Variants in ERO1B observed in about 807,000 individuals in gnomAD.
ERO1B encodes the protein endoplasmic reticulum oxidoreductase 1 beta.
ERO1B carries 49 observed loss-of-function variants against 75.3 expected under a neutral mutation model. The observed-to-expected ratio is 0.65, with a 90% confidence interval of 0.52 to 0.83. The LOEUF (loss-of-function observed/expected upper bound fraction) is 0.83, where lower values mean the gene tolerates loss of function less well. Among genes scored for constraint, ERO1B ranks in the 40% least tolerant of loss-of-function variants. The pLI is 0.00. For synonymous variants in ERO1B, 191 were observed against 192.9 expected (o/e 0.99, Z 0.08); for missense variants, 512 against 560.1 (o/e 0.91, Z 0.87).
chr1:236,235,463 A>G (rs1664516441), intron 8 of ERO1B, among the ~76,000 whole-genome samples: 1 of 152,234 alleles, frequency 6.6e-6, no homozygotes. Flanking sequence ...CTTAATTAAT[A>G]TAGCGTAGGG....
chr1:236,240,098 T>C (rs1296151402), intron 6 of ERO1B, among the ~76,000 whole-genome samples: 1 of 151,416 alleles, frequency 6.6e-6, no homozygotes, highest in Non-Finnish European at 1.5e-5. Context: ...AGAGGCAGGG[T>C]TTTGCCATGT....
In ERO1B at chr1:236,226,542, T is replaced by C. The variant is rs951855227; in HGVS notation, c.806-27A>G. On this transcript the variant is annotated intron_variant, in intron 11 of 15. Coordinates refer to ENST00000354619, the MANE Select transcript of ERO1B (RefSeq NM_019891.4). ...TAAAGAGAAAGAGAAATACATTACA[T>C]TGTTTTAGTAAACAGGATTTTTTTT... The C allele has an allele frequency of 2.5e-6, 4 of 1,601,032 alleles. No homozygotes were observed. In the African/African-American group the frequency reaches 4.1e-5, roughly 16 times the overall value.
chr1:236,250,299 G>A (rs546765818), intron 4 of ERO1B, among the ~76,000 whole-genome samples: 5 of 151,766 alleles, frequency 3.3e-5, no homozygotes, highest in African/African-American at 9.7e-5. Context: ...GTGAAACCCC[G>A]TCTCTACTAA....
intron 2 of ERO1B, among the ~76,000 whole-genome samples, chr1:236,258,657 C>G (rs776177076): frequency 3.6e-4 from 55 of 152,224 alleles, no homozygotes; most frequent in Non-Finnish European, 1.6e-4. Context: ...GAGGCCGAAG[C>G]GGGTGGATCA....
chr1:236,226,711 A>G lies in ERO1B; in HGVS notation c.741T>C (p.Tyr247=), dbSNP rs1235056388. 2.5e-6 allele frequency: 4 copies of G among 1,612,096 alleles called. No individual in the cohort carries two copies. In the East Asian group the frequency reaches 6.7e-5, roughly 27 times the overall value. The change falls in exon 11 of 16, where the codon TAT becomes TAC. Residue 247 remains tyrosine (Y), a synonymous_variant. Transcript: ENST00000354619. ...TAGCATGAAGTCCCGATATAAGCTT[A>G]TAGAAGACTCTTTTCTCCAGACACA... ...EGLCLEKRVF[Y]KLISGLHASI...
At chr1:236,272,047 C>CA (rs1163785539) in intron 1 of ERO1B, among the ~76,000 whole-genome samples, 3 of 151,632 alleles carry the variant, frequency 2.0e-5, no homozygotes, top group Admixed American at 6.6e-5. Context: ...AAAAGTAAAA[C>CA]AAAAAAACAG....
intron 6 of ERO1B, among the ~76,000 whole-genome samples, chr1:236,239,174 T>A (rs758637607): frequency 1.3e-5 from 2 of 152,174 alleles, no homozygotes; most frequent in African/African-American, 2.4e-5. Flanking sequence ...CAATACTTTT[T>A]AAAAAAATCT....
intron 13 of ERO1B, among the ~76,000 whole-genome samples, chr1:236,224,755 G>A (rs1387204855): frequency 2.0e-5 from 3 of 152,134 alleles, no homozygotes; most frequent in South Asian, 4.1e-4. Context: ...AAAGCTCATG[G>A]TATTCTGAAA....
chr1:236,220,368 T>C (rs929794268), intron 15 of ERO1B: 6 of 151,834 alleles, frequency 4.0e-5, no homozygotes, highest in African/African-American at 1.5e-4. Context: ...AAGTAAATCA[T>C]GTAGAAATGA....
At chr1:236,273,160 G>C (rs1343453502) in intron 1 of ERO1B, among the ~76,000 whole-genome samples, 1 of 152,108 alleles carries the variant, frequency 6.6e-6, no homozygotes, top group Non-Finnish European at 1.5e-5. Flanking sequence ...AGAGGAAGGC[G>C]GGAGTGTCAG....
chr1:236,276,386 CCT>C, intron 1 of ERO1B, among the ~76,000 whole-genome samples: 1 of 152,100 alleles, frequency 6.6e-6, no homozygotes, highest in South Asian at 2.1e-4. Flanking sequence ...AGCTTTGAAC[CCT>C]GAGGTTCAAA....
At chr1:236,276,384 AC>A (rs1665710795) in intron 1 of ERO1B, among the ~76,000 whole-genome samples, 1 of 152,212 alleles carries the variant, frequency 6.6e-6, no homozygotes, top group South Asian at 2.1e-4. Context: ...CAAGCTTTGA[AC>A]CCTGAGGTTC....
At chr1:236,257,131 G>C (rs1255073337) in intron 2 of ERO1B, among the ~76,000 whole-genome samples, 1 of 152,176 alleles carries the variant, frequency 6.6e-6, no homozygotes, top group Non-Finnish European at 1.5e-5. Context: ...AGTACAACTT[G>C]ACTCTAATTT....
intron 1 of ERO1B, among the ~76,000 whole-genome samples, chr1:236,274,919 A>G (rs1461044541): frequency 6.6e-6 from 1 of 152,230 alleles, no homozygotes; most frequent in Non-Finnish European, 1.5e-5. Context: ...CATTTAAAAT[A>G]GGACAGTTAC....
At chr1:236,236,464 A>G in intron 6 of ERO1B, 66 bp from the exon 7 acceptor site, 1 of 1,565,950 alleles carries the variant, frequency 6.4e-7, no homozygotes, top group East Asian at 2.3e-5. Context: ...TAACAGTACA[A>G]AGCAAACCGG....
At chr1:236,278,951 A>G (rs1230090435) in intron 1 of ERO1B, among the ~76,000 whole-genome samples, 1 of 152,206 alleles carries the variant, frequency 6.6e-6, no homozygotes, top group Non-Finnish European at 1.5e-5. Context: ...GTTTTCTACC[A>G]ATTTATTATA....
chr1:236,232,787 T>G (rs1486518412), intron 9 of ERO1B, 41 bp downstream of exon 9: 2 of 1,573,748 alleles, frequency 1.3e-6, no homozygotes, highest in South Asian at 2.4e-5. Context: ...TACAAAAAAT[T>G]TCCTCCACAC....
intron 2 of ERO1B, among the ~76,000 whole-genome samples, chr1:236,260,976 G>A (rs548945686): frequency 6.6e-6 from 1 of 151,938 alleles, no homozygotes; most frequent in African/African-American, 2.4e-5. Context: ...GATCAAGTGA[G>A]ATTTATCCCA....
At chr1:236,260,702 G>A (rs1015874370) in intron 2 of ERO1B, among the ~76,000 whole-genome samples, 1 of 150,610 alleles carries the variant, frequency 6.6e-6, no homozygotes, top group Non-Finnish European at 1.5e-5. Context: ...AGGACCTCAT[G>A]GCTTCACCGC....
Sources: allele counts gnomAD v4.1 joint callset (sites outside exome capture counted in the v4.1 genomes callset), GRCh38; gene constraint gnomAD v4.1.1; transcripts MANE v1.5; gene names NCBI Gene and HGNC (gene_info 2026-07-23, HGNC 2026-07-21).